Variants in CYP2F1 observed in about 807,000 individuals in gnomAD.
CYP2F1 encodes cytochrome P450 2F1.
A neutral mutation model predicts 40.4 loss-of-function variants in CYP2F1; 33 were observed. The observed-to-expected ratio is 0.82, with a 90% CI of 0.62 to 1.09. CYP2F1 has a LOEUF of 1.09. Ranked by LOEUF, CYP2F1 falls within the 50% of genes least tolerant of loss-of-function variation. The pLI is 0.00. For synonymous variants in CYP2F1, 235 were observed against 277.2 expected (o/e 0.85, Z 1.51); for missense variants, 566 against 655.7 (o/e 0.86, Z 1.49).
At chr19:41,124,695 C>A in intron 7 of CYP2F1, 24 bp from the exon 8 acceptor site, 1 of 1,593,350 alleles carries the variant, frequency 6.3e-7, no homozygotes, top group Non-Finnish European at 8.5e-7. Context: ...ATACCCTCGA[C>A]CCCGCTTCCC....
intron 4 of CYP2F1, 145 bp downstream of exon 4, chr19:41,120,641 C>G: frequency 1.1e-6 from 1 of 907,960 alleles, no homozygotes; most frequent in Non-Finnish European, 1.7e-6. Context: ...TCCACCACAC[C>G]CAGCTTATTT....
At chr19:41,120,563 C>G in intron 4 of CYP2F1, 67 bp downstream of exon 4, 1 of 1,562,430 alleles carries the variant, frequency 6.4e-7, no homozygotes, top group Non-Finnish European at 8.7e-7. Flanking sequence ...TGGATGGCAG[C>G]CTTGACCTCC....
intron 7 of CYP2F1, among the ~76,000 whole-genome samples, chr19:41,124,227 C>CTT (rs60423713): frequency 1.8e-5 from 1 of 56,476 alleles, no homozygotes; most frequent in East Asian, 4.5e-4. Flanking sequence ...CTGGCTAATT[C>CTT]TTTTTTTTTT....
rs373421285 is a variant in CYP2F1, at chr19:41,127,934, G to T, written c.1328G>T (p.Arg443Leu). ...CTGTGCCTGGGAGAGTCGCTGGCGC[G>T]CATGGAGCTCTTTCTGTACCTCACC... ...RRLCLGESLARMELFLYLTAI... is the reference protein window; with the variant it reads ...RRLCLGESLALMELFLYLTAI... Residue 443 changes from arginine to leucine, a missense_variant, in exon 10 of 10, where the codon CGC becomes CTC. Arg to Leu is a moderately radical substitution (Grantham distance 102). This residue lies in a region of CYP2F1 where 85 missense variants were observed against 84.9 expected (regional missense o/e 1.00). Transcript: ENST00000331105. 3 of 1,612,768 alleles carry T rather than the reference G, an allele frequency of 1.9e-6. No individual in the cohort carries two copies. Among genetic ancestry groups the T allele is most frequent in the Non-Finnish European group, 1.7e-6 (2 of 1,179,806 alleles).
intron 3 of CYP2F1, among the ~76,000 whole-genome samples, chr19:41,117,374 C>T (rs2031882036): frequency 6.6e-6 from 1 of 152,020 alleles, no homozygotes; most frequent in Non-Finnish European, 1.5e-5. Flanking sequence ...TCAGGTGATC[C>T]ACCTACCTCG....
At chr19:41,115,944 T>C (rs1021197584) in intron 1 of CYP2F1, among the ~76,000 whole-genome samples, 12 of 152,038 alleles carry the variant, frequency 7.9e-5, no homozygotes, top group African/African-American at 2.9e-4. Context: ...TGTTCCTCTA[T>C]CACTTGCCTC....
At chr19:41,116,678 G>A (rs967556477) in intron 3 of CYP2F1, 61 bp downstream of exon 3, 5 of 1,559,656 alleles carry the variant, frequency 3.2e-6, no homozygotes, top group African/African-American at 2.7e-5. Context: ...AGGGGGTGAG[G>A]GTGAGAGACT....
chr19:41,119,748 T>TATATATATATATATATATAC (rs1337166345), intron 3 of CYP2F1, among the ~76,000 whole-genome samples: 8 of 36,104 alleles, frequency 2.2e-4, no homozygotes, highest in Admixed American at 8.8e-4. Flanking sequence ...TATATATATA[T>TATATATATATATATATATAC]ACACACACAC....
chr19:41,124,593 C>A, intron 7 of CYP2F1, 126 bp from the exon 8 acceptor site: 2 of 865,570 alleles, frequency 2.3e-6, no homozygotes, highest in Non-Finnish European at 3.5e-6. Flanking sequence ...TGCGCCCCAG[C>A]AGTGGCGCCC....
At chr19:41,121,821 C>T in intron 5 of CYP2F1, 136 bp from the exon 6 acceptor site, 5 of 1,070,158 alleles carry the variant, frequency 4.7e-6, no homozygotes, top group Admixed American at 2.5e-5. Flanking sequence ...CCCACTCCCC[C>T]TCAGCCCCAA....
intron 1 of CYP2F1, among the ~76,000 whole-genome samples, 172 bp from the exon 2 acceptor site, chr19:41,116,005 CT>C (rs1207878374): frequency 6.6e-6 from 1 of 152,082 alleles, no homozygotes; most frequent in Non-Finnish European, 1.5e-5. Context: ...TATATGTTGA[CT>C]ATCTCTGCCT....
Position 41,118,200 on chromosome 19 carries a change from A to C in CYP2F1, c.334+1583A>C, listed in dbSNP as rs186618407. ...TGTTCAAAGGAAGCTATGTGACAAG[A>C]CCCAATAAATGATGGAAGGAAGGAG... On this transcript the variant is annotated intron_variant, in intron 3 of 9. Coordinates refer to ENST00000331105, the MANE Select transcript of CYP2F1 (RefSeq NM_000774.5). Among the ~76,000 whole-genome samples the C allele has an allele frequency of 2.6e-5, 4 of 152,082 alleles. No homozygotes were observed. The East Asian group carries it at 7.7e-4, about 29-fold the overall frequency.
intron 6 of CYP2F1, among the ~76,000 whole-genome samples, 200 bp downstream of exon 6, chr19:41,122,333 A>G (rs1383228590): frequency 6.6e-6 from 1 of 151,944 alleles, no homozygotes; most frequent in Non-Finnish European, 1.5e-5. Context: ...GAAGTCATCA[A>G]AGGAGGTGGG....
intron 3 of CYP2F1, among the ~76,000 whole-genome samples, chr19:41,118,079 A>T (rs2031930017): frequency 6.6e-6 from 1 of 151,954 alleles, no homozygotes; most frequent in African/African-American, 2.4e-5. Context: ...TGAATGCCTG[A>T]CCTCATGATC....
At position 41,127,939 on chromosome 19, in the gene CYP2F1, G is replaced by A; in HGVS notation, c.1333G>A (p.Glu445Lys). The change falls in exon 10 of 10, where the codon GAG (glutamate) becomes AAG (lysine). Residue 445 changes from glutamate to lysine, a missense_variant. By Grantham distance (56) the Glu-to-Lys change is moderately conservative (BLOSUM62 1). Around this residue, in one of 5 missense-constraint regions of CYP2F1, gnomAD observed 85 missense variants for 84.9 expected, o/e 1.00. Transcript: ENST00000331105. The part of the protein sequence containing the change: ...LCLGESLARM[E>K]LFLYLTAILQ... Reference sequence around the variant, plus strand: ...CCTGGGAGAGTCGCTGGCGCGCATGGAGCTCTTTCTGTACCTCACCGCCAT... The same window carrying A: ...CCTGGGAGAGTCGCTGGCGCGCATGAAGCTCTTTCTGTACCTCACCGCCAT... The A allele has an allele frequency of 1.2e-6, 2 of 1,613,226 alleles. No individual in the cohort carries two copies. Among genetic ancestry groups the A allele is most frequent in the African/African-American group, 1.3e-5 (1 of 74,880 alleles).
At chr19:41,121,083 G>A (rs2032168820) in intron 4 of CYP2F1, among the ~76,000 whole-genome samples, 1 of 152,044 alleles carries the variant, frequency 6.6e-6, no homozygotes, top group African/African-American at 2.4e-5. Context: ...ACTGCGTGTC[G>A]TGTGTTGGCA....
At chr19:41,124,225 T>C (rs1441660022) in intron 7 of CYP2F1, among the ~76,000 whole-genome samples, 1 of 137,110 alleles carries the variant, frequency 7.3e-6, no homozygotes, top group Admixed American at 7.3e-5. Context: ...CCCTGGCTAA[T>C]TCTTTTTTTT....
intron 7 of CYP2F1, 64 bp downstream of exon 7, chr19:41,123,027 G>A (rs1253322423): frequency 6.4e-6 from 10 of 1,552,156 alleles, no homozygotes; most frequent in Non-Finnish European, 7.9e-6. Flanking sequence ...CCAGAGCAGG[G>A]AGCCACGGCC....
In CYP2F1 at chr19:41,128,158, A is replaced by G; in HGVS notation, c.*76A>G. Reference sequence around the variant, plus strand: ...GGTTGCTACGTCCCCTTCTTGGTCCACAGTCTGCCCTCATCCCTCTGGCAG... The same window carrying G: ...GGTTGCTACGTCCCCTTCTTGGTCCGCAGTCTGCCCTCATCCCTCTGGCAG... On this transcript the variant is annotated 3_prime_UTR_variant, in exon 10 of 10. Transcript: ENST00000331105. 2 of 1,441,396 alleles carry G rather than the reference A, an allele frequency of 1.4e-6. No individual in the cohort carries two copies. Among genetic ancestry groups the G allele is most frequent in the Non-Finnish European group, 1.9e-6 (2 of 1,066,976 alleles). 89.3% of individuals were successfully genotyped at this position (1,441,396 alleles called of 1,614,324 possible). A position where few individuals can be genotyped will look rare whatever the true frequency, so the allele number is the denominator to read the frequency against.
Sources: allele counts gnomAD v4.1 joint callset (sites outside exome capture counted in the v4.1 genomes callset), GRCh38; gene constraint gnomAD v4.1.1; regional missense constraint gnomAD v4.1.1; transcripts MANE v1.5; gene names NCBI Gene and HGNC (gene_info 2026-07-23, HGNC 2026-07-21).